RBFOX1: variants seen among roughly 807,000 people sequenced by gnomAD.
The protein encoded by RBFOX1 is RNA binding protein fox-1 homolog 1.
In RBFOX1, 8 loss-of-function variants were observed where a neutral mutation model predicts 57.7. That is an observed-to-expected ratio of 0.14 (90% CI 0.08 to 0.25). The LOEUF (loss-of-function observed/expected upper bound fraction) is 0.25. RBFOX1 is among the 10% of genes least tolerant of loss of function. RBFOX1 has a pLI of 1.00. For missense variants in RBFOX1, 611 were observed against 548.5 expected (o/e 1.11, Z -1.14); for synonymous variants, 326 against 222.4 (o/e 1.47, Z -4.15).
intron 2 of RBFOX1, among the ~76,000 whole-genome samples, chr16:6,515,262 T>C (rs969894365): frequency 2.0e-5 from 3 of 152,234 alleles, no homozygotes; most frequent in Non-Finnish European, 4.4e-5. Flanking sequence ...CTTACTTTTC[T>C]GTATTCTTCC....
intron 4 of RBFOX1, among the ~76,000 whole-genome samples, chr16:7,171,199 C>G (rs1015614955): frequency 1.3e-5 from 2 of 152,208 alleles, no homozygotes; most frequent in Non-Finnish European, 2.9e-5. Flanking sequence ...CACAGGCACC[C>G]AGTACTAACT....
chr16:5,906,813 C>T (rs1044198474), intron 4 of RBFOX1, among the ~76,000 whole-genome samples: 23 of 142,994 alleles, frequency 1.6e-4, no homozygotes, highest in African/African-American at 5.8e-4. Context: ...TGGCTCACTG[C>T]AACCTCCACC....
intron 3 of RBFOX1, among the ~76,000 whole-genome samples, chr16:6,662,172 A>G (rs1015180274): frequency 3.7e-4 from 57 of 152,228 alleles, no homozygotes; most frequent in Non-Finnish European, 3.8e-4. Flanking sequence ...AAAGGATACA[A>G]ACCCTCATCA....
chr16:6,996,365 A>ATG (rs369542360), intron 3 of RBFOX1, among the ~76,000 whole-genome samples: 2 of 151,832 alleles, frequency 1.3e-5, no homozygotes, highest in Non-Finnish European at 2.9e-5. Context: ...GGTTTTGTGC[A>ATG]TGTGTGTGTG....
chr16:7,149,161 A>C (rs78898196), intron 4 of RBFOX1, among the ~76,000 whole-genome samples: 2 of 152,136 alleles, frequency 1.3e-5, no homozygotes, highest in African/African-American at 2.4e-5. Flanking sequence ...ATCATTTCCT[A>C]CTGCCCAGTT....
At chr16:6,392,376 C>G (rs375764970) in intron 2 of RBFOX1, among the ~76,000 whole-genome samples, 1 of 151,980 alleles carries the variant, frequency 6.6e-6, no homozygotes, top group Non-Finnish European at 1.5e-5. Flanking sequence ...ACCTTAAATA[C>G]GTTACATTAT....
At chr16:7,688,521 G>C (rs1462452326) in intron 14 of RBFOX1, among the ~76,000 whole-genome samples, 1 of 151,950 alleles carries the variant, frequency 6.6e-6, no homozygotes, top group East Asian at 1.9e-4. Flanking sequence ...GTCCCCTCCA[G>C]CAACACAGGC....
intron 4 of RBFOX1, among the ~76,000 whole-genome samples, chr16:5,945,405 C>T (rs2059381531): frequency 6.6e-6 from 1 of 152,214 alleles, no homozygotes; most frequent in East Asian, 1.9e-4. Context: ...TGCTGCTGGA[C>T]ATTGGCCATG....
intron 3 of RBFOX1, among the ~76,000 whole-genome samples, chr16:6,788,078 C>T (rs114236065): frequency 0.019 from 2,947 of 152,120 alleles, 111 homozygotes; most frequent in African/African-American, 0.067. Context: ...CAAAATTTGG[C>T]AGGTGTGGTG....
At chr16:5,406,874 G>A (rs1206296035) in intron 1 of RBFOX1, among the ~76,000 whole-genome samples, 1 of 152,170 alleles carries the variant, frequency 6.6e-6, no homozygotes, top group Non-Finnish European at 1.5e-5. Flanking sequence ...AGAGTGCTGT[G>A]CAGGTGGAGT....
chr16:5,941,704 A>C (rs2059281289), intron 4 of RBFOX1, among the ~76,000 whole-genome samples: 1 of 151,170 alleles, frequency 6.6e-6, no homozygotes, highest in Non-Finnish European at 1.5e-5. Context: ...ACTAGCCAGG[A>C]ATTATCCCAT....
At chr16:5,640,467 C>T (rs2048824856) in intron 3 of RBFOX1, among the ~76,000 whole-genome samples, 1 of 151,958 alleles carries the variant, frequency 6.6e-6, no homozygotes, top group Non-Finnish European at 1.5e-5. Context: ...GGCACACACA[C>T]ATGTACACCA....
intron 3 of RBFOX1, among the ~76,000 whole-genome samples, chr16:5,752,355 A>G (rs1318443850): frequency 6.6e-6 from 1 of 152,204 alleles, no homozygotes; most frequent in Admixed American, 6.5e-5. Flanking sequence ...GGGTGATGAA[A>G]TAGTCTGTAC....
intron 3 of RBFOX1, among the ~76,000 whole-genome samples, chr16:5,609,464 G>A (rs752732409): frequency 2.0e-5 from 3 of 152,162 alleles, no homozygotes; most frequent in Non-Finnish European, 2.9e-5. Context: ...CAGCTTCCAG[G>A]CTTTTATTCA....
At chr16:7,127,663 G>A (rs929958551) in intron 4 of RBFOX1, among the ~76,000 whole-genome samples, 2 of 152,182 alleles carry the variant, frequency 1.3e-5, no homozygotes, top group African/African-American at 4.8e-5. Flanking sequence ...ATGATTTCAA[G>A]TTAAGAGTAT....
At chr16:7,379,318 G>A (rs867477133) in intron 4 of RBFOX1, among the ~76,000 whole-genome samples, 2 of 152,118 alleles carry the variant, frequency 1.3e-5, no homozygotes, top group African/African-American at 2.4e-5. Flanking sequence ...TTTTTAGACT[G>A]TTTTAAAATA....
At chr16:6,323,539 C>T (rs567971782) in intron 2 of RBFOX1, among the ~76,000 whole-genome samples, 4 of 152,256 alleles carry the variant, frequency 2.6e-5, no homozygotes, top group East Asian at 1.9e-4. Flanking sequence ...ATGTTGATCA[C>T]ACTCTTTGTA....
intron 4 of RBFOX1, among the ~76,000 whole-genome samples, chr16:7,489,002 T>G (rs12932774): frequency 6.6e-6 from 1 of 152,214 alleles, no homozygotes; most frequent in African/African-American, 2.4e-5. Flanking sequence ...TATTGCTCTG[T>G]CATTATATCT....
intron 2 of RBFOX1, among the ~76,000 whole-genome samples, chr16:6,536,797 C>G (rs1285269184): frequency 6.6e-6 from 1 of 152,092 alleles, no homozygotes; most frequent in Non-Finnish European, 1.5e-5. Context: ...TAACATTGAT[C>G]TGTCATGGCC....
Sources: gnomAD v4.1 joint callset for allele counts (sites outside exome capture counted in the v4.1 genomes callset) on GRCh38, gnomAD v4.1.1 for gene constraint, MANE v1.5 for transcripts, NCBI Gene and HGNC (gene_info 2026-07-23, HGNC 2026-07-21) for gene names.